TTBK2: variants seen among roughly 807,000 people sequenced by gnomAD.
TTBK2 encodes tau-tubulin kinase 2.
Under a neutral mutation model 110.8 loss-of-function variants are expected in TTBK2, and 28 were observed. That is an observed-to-expected ratio of 0.25 (90% CI 0.19 to 0.35). The LOEUF (loss-of-function observed/expected upper bound fraction) is 0.35, where lower values mean the gene tolerates loss of function less well. TTBK2 is among the 10% of genes least tolerant of loss of function. The pLI is 1.00. For synonymous variants in TTBK2, 532 were observed against 527.3 expected (o/e 1.01, Z -0.12); for missense variants, 1,369 against 1,500.3 (o/e 0.91, Z 1.45).
chr15:42,888,240 A>G (rs1331908797), intron 1 of TTBK2, among the ~76,000 whole-genome samples: 1 of 151,952 alleles, frequency 6.6e-6, no homozygotes, highest in African/African-American at 2.4e-5. Flanking sequence ...CACCTGACAC[A>G]TATACTTTCT....
At position 42,777,245 on chromosome 15, in the gene TTBK2, A is replaced by G. The variant is rs1889970637; in HGVS notation, c.1198-3T>C. On this transcript the variant is annotated splice_region_variant and splice_polypyrimidine_tract_variant and intron_variant, in intron 11 of 14. Coordinates refer to ENST00000267890, the MANE Select transcript of TTBK2 (RefSeq NM_173500.4). ...CTGTTCTCCTCTTCAGTAGCAGCCT[A>G]TCCAAAATATAAAATAAAATCATGA... 2 of 1,613,914 alleles carry G rather than the reference A, an allele frequency of 1.2e-6. No homozygotes were observed. The highest frequency in any genetic ancestry group is 1.7e-6 in the Non-Finnish European group (2 of 1,179,846).
intron 1 of TTBK2, among the ~76,000 whole-genome samples, chr15:42,892,204 A>G (rs531198809): frequency 6.6e-6 from 1 of 152,234 alleles, no homozygotes; most frequent in Non-Finnish European, 1.5e-5. Context: ...TAACGGCAAG[A>G]TAACAAGAAT....
chr15:42,842,645 G>A (rs964548509), intron 3 of TTBK2, among the ~76,000 whole-genome samples: 1 of 151,794 alleles, frequency 6.6e-6, no homozygotes, highest in Non-Finnish European at 1.5e-5. Flanking sequence ...CAGCTACTTG[G>A]GAAGCTAAGG....
chr15:42,790,914 C>T (rs551538814), intron 10 of TTBK2, among the ~76,000 whole-genome samples: 5 of 152,006 alleles, frequency 3.3e-5, no homozygotes, highest in African/African-American at 7.2e-5. Context: ...GATGGAGTCT[C>T]GCTCTGTCAT....
intron 9 of TTBK2, chr15:42,800,173 T>G (rs1395662044): frequency 5.1e-6 from 2 of 392,828 alleles, no homozygotes; most frequent in African/African-American, 4.3e-5. Context: ...AGATTTTCTA[T>G]TTTTCTGTTA....
chr15:42,906,034 C>G (rs958528281), intron 1 of TTBK2, among the ~76,000 whole-genome samples: 1 of 151,960 alleles, frequency 6.6e-6, no homozygotes, highest in East Asian at 1.9e-4. Context: ...ACTAAAAATA[C>G]AAAATTAGCT....
intron 10 of TTBK2, among the ~76,000 whole-genome samples, chr15:42,787,903 T>C (rs1890477554): frequency 6.6e-6 from 1 of 152,180 alleles, no homozygotes. Context: ...GATCACAGCG[T>C]ACTTAAAAAA....
chr15:42,845,355 C>T (rs531784203), intron 3 of TTBK2, among the ~76,000 whole-genome samples: 1 of 152,140 alleles, frequency 6.6e-6, no homozygotes, highest in South Asian at 2.1e-4. Flanking sequence ...TCCACCAATG[C>T]TCAAGTCTCT....
At position 42,742,492 on chromosome 15, in the gene TTBK2, T is replaced by C. The variant is rs1047526190; in HGVS notation, c.*3303A>G. ...CTCTACGCTGTGCAAGAAATCACTATGTGTGATTTTACTATTTCAACCAAT... is the reference window on the plus strand; with the variant it reads ...CTCTACGCTGTGCAAGAAATCACTACGTGTGATTTTACTATTTCAACCAAT... On this transcript the variant is annotated 3_prime_UTR_variant, in exon 15 of 15. Transcript: ENST00000267890. 6.6e-6 allele frequency: 1 copy of C among 152,222 alleles called. No individual in the cohort carries two copies. The highest frequency in any genetic ancestry group is 1.5e-5 in the Non-Finnish European group (1 of 68,030). 9.4% of individuals were successfully genotyped at this position (152,222 alleles called of 1,614,324 possible).
At chr15:42,771,879 G>A (rs1228366960) in intron 13 of TTBK2, among the ~76,000 whole-genome samples, 3 of 152,300 alleles carry the variant, frequency 2.0e-5, no homozygotes, top group Admixed American at 6.5e-5. Flanking sequence ...TAGCCTACCA[G>A]CGTCTGACTC....
At chr15:42,853,880 C>CA (rs1380467102) in intron 3 of TTBK2, among the ~76,000 whole-genome samples, 11 of 146,000 alleles carry the variant, frequency 7.5e-5, no homozygotes, top group South Asian at 2.1e-4. Context: ...GGCTCCGTCT[C>CA]AAAAAAAAAT....
At position 42,752,116 on chromosome 15, in the gene TTBK2, T is replaced by C. The variant is rs1439802446; in HGVS notation, c.3130A>G (p.Ile1044Val). The C allele has an allele frequency of 1.9e-6, 3 of 1,614,012 alleles. No homozygotes were observed. The highest frequency in any genetic ancestry group is 2.5e-6 in the Non-Finnish European group (3 of 1,180,022). ...TTGCTCTTTCTAGACTGGGAGATGA[T>C]GGGTGACAGAAAGCTATCTTCAGCT... ...RSAEDSFLSPIISQSRKSKIP... is the reference protein window; with the variant it reads ...RSAEDSFLSPVISQSRKSKIP... Residue 1044 changes from isoleucine to valine, a missense_variant, in exon 14 of 15, where the codon ATC (isoleucine) becomes GTC (valine). By Grantham distance (29) the Ile-to-Val change is conservative. Coordinates refer to ENST00000267890, the MANE Select transcript of TTBK2 (RefSeq NM_173500.4).
At chr15:42,828,712 G>A in intron 5 of TTBK2, among the ~76,000 whole-genome samples, 2 of 138,036 alleles carry the variant, frequency 1.4e-5, no homozygotes, top group African/African-American at 2.7e-5. Context: ...GACAGAGTGA[G>A]ACTCTGTCAC....
At chr15:42,774,488 G>A (rs773502868) in intron 13 of TTBK2, among the ~76,000 whole-genome samples, 68 of 152,170 alleles carry the variant, frequency 4.5e-4, no homozygotes, top group African/African-American at 7.5e-4. Flanking sequence ...AACAATAGTC[G>A]TTCCTCAAAA....
At chr15:42,876,034 T>C (rs1173155132) in intron 2 of TTBK2, among the ~76,000 whole-genome samples, 3 of 150,964 alleles carry the variant, frequency 2.0e-5, no homozygotes, top group South Asian at 2.1e-4. Context: ...GACCTCAAGA[T>C]ACCGGACAAG....
intron 1 of TTBK2, among the ~76,000 whole-genome samples, chr15:42,894,845 C>T (rs1895604784): frequency 6.6e-6 from 1 of 152,102 alleles, no homozygotes; most frequent in Non-Finnish European, 1.5e-5. Context: ...TCCAGCAATA[C>T]ATAAAACGAA....
chr15:42,917,674 T>C (rs2031155146), intron 1 of TTBK2, among the ~76,000 whole-genome samples: 1 of 150,940 alleles, frequency 6.6e-6, no homozygotes, highest in Admixed American at 6.6e-5. Flanking sequence ...GTTTACAATA[T>C]GCTGGATGAC....
chr15:42,783,423 C>A lies in TTBK2; in HGVS notation c.1193G>T (p.Cys398Phe). The stretch of plus-strand genomic sequence containing the variant: ...TTGTTTATAAGGTACTCATACCTTA[C>A]AAATTCCAAGCTTTATCTTGTTTTT... ...ANKNKIKLGICKAATEEENSH... is the reference protein window; with the variant it reads ...ANKNKIKLGIFKAATEEENSH... The change falls in exon 11 of 15, where the codon TGT becomes TTT. Residue 398 changes from cysteine (C) to phenylalanine (F), a missense_variant. Around this residue, in one of 4 missense-constraint regions of TTBK2, gnomAD observed 1,097 missense variants for 1,114.7 expected, o/e 0.98. Coordinates refer to ENST00000267890, the MANE Select transcript of TTBK2 (RefSeq NM_173500.4). 1 of 1,613,530 alleles carries A rather than the reference C, an allele frequency of 6.2e-7. No homozygotes were observed. Among genetic ancestry groups the A allele is most frequent in the Admixed American group, 1.7e-5 (1 of 60,020 alleles).
chr15:42,771,556 T>C (rs952323659), intron 13 of TTBK2, among the ~76,000 whole-genome samples: 6 of 152,178 alleles, frequency 3.9e-5, no homozygotes, highest in Non-Finnish European at 7.4e-5. Context: ...TATGAAGAAA[T>C]AAACATAATT....
Sources: allele counts gnomAD v4.1 joint callset (sites outside exome capture counted in the v4.1 genomes callset), GRCh38; gene constraint gnomAD v4.1.1; regional missense constraint gnomAD v4.1.1; transcripts MANE v1.5; gene names NCBI Gene and HGNC (gene_info 2026-07-23, HGNC 2026-07-21).